The following MMRN1 variants were observed in gnomAD, a reference collection of about 807,000 sequenced individuals.
MMRN1 encodes the protein multimerin-1.
MMRN1 carries 94 observed loss-of-function variants against 100.7 expected under a neutral mutation model. That is an observed-to-expected ratio of 0.93 (90% CI 0.79 to 1.11). MMRN1 has a LOEUF of 1.11. Among genes scored for constraint, MMRN1 ranks in the 50% least tolerant of loss-of-function variants. The pLI is 0.00. For missense variants in MMRN1, 1,606 were observed against 1,439.1 expected (o/e 1.12, Z -1.88); for synonymous variants, 575 against 505.0 (o/e 1.14, Z -1.86).
chr4:89,895,186 G>C lies in MMRN1; in HGVS notation c.215G>C (p.Arg72Thr). Reference protein sequence around the residue: ...SAEIATTPEARTSEDSLLKST... With the variant: ...SAEIATTPEATTSEDSLLKST... ...GAGATAGCTACAACTCCAGAGGCAA[G>C]AACTTCTGAAGACAGTCTTCTTAAA... The change falls in exon 1 of 8, where the codon AGA becomes ACA. Residue 72 changes from arginine (R) to threonine (T), a missense_variant. By Grantham distance (71) the Arg-to-Thr change is moderately conservative. Transcript: ENST00000264790. 2 of 1,613,828 alleles carry C rather than the reference G, an allele frequency of 1.2e-6. No homozygotes were observed. Among genetic ancestry groups the C allele is most frequent in the Non-Finnish European group, 8.5e-7 (1 of 1,179,912 alleles).
At chr4:89,924,060 G>T (rs1276582999) in intron 4 of MMRN1, among the ~76,000 whole-genome samples, 1 of 152,102 alleles carries the variant, frequency 6.6e-6, no homozygotes, top group Non-Finnish European at 1.5e-5. Context: ...CAGTATTATT[G>T]CTATATAAAG....
intron 1 of MMRN1, among the ~76,000 whole-genome samples, chr4:89,881,954 C>A (rs889941319): frequency 6.6e-6 from 1 of 151,904 alleles, no homozygotes; most frequent in Non-Finnish European, 1.5e-5. Context: ...TTTCCAATAT[C>A]TATACCTTAA....
rs374662333 is a variant in MMRN1 at position 89,936,393 on chromosome 4, G to T, written c.2713G>T (p.Ala905Ser). ...GCAAGTATTAAATTCCAGATTTAAG[G>T]CGTTGGAAGCAAAATCTATCCATCT... ...QLQVLNSRFK[A>S]LEAKSIHLSI... The change falls in exon 6 of 8, where the codon GCG (alanine) becomes TCG (serine). Residue 905 changes from alanine to serine, a missense_variant. Transcript: ENST00000264790. 1.2e-4 allele frequency: 187 copies of T among 1,609,352 alleles called. No homozygotes were observed. The highest frequency in any genetic ancestry group is 1.5e-4 in the Non-Finnish European group (171 of 1,178,684).
chr4:89,882,927 C>T (rs75856065), intron 1 of MMRN1, among the ~76,000 whole-genome samples: 6,848 of 152,056 alleles, frequency 0.045, 218 homozygotes, highest in African/African-American at 0.078. Flanking sequence ...TTCCTCCTCT[C>T]CTCCCCAGAA....
intron 6 of MMRN1, among the ~76,000 whole-genome samples, chr4:89,939,620 G>T (rs573372442): frequency 6.6e-6 from 1 of 152,238 alleles, no homozygotes; most frequent in African/African-American, 2.4e-5. Flanking sequence ...ACTAGTAAGT[G>T]ATAGAGCTTG....
In MMRN1 at chr4:89,936,281, T is replaced by C. The variant is rs1254441899; in HGVS notation, c.2601T>C (p.Ser867=). 1 of 1,610,574 alleles carries C rather than the reference T, an allele frequency of 6.2e-7. No individual in the cohort carries two copies. Among genetic ancestry groups the C allele is most frequent in the African/African-American group, 1.3e-5 (1 of 74,758 alleles). The change falls in exon 6 of 8, where the codon TCT becomes TCC. Residue 867 remains serine (S), a synonymous_variant. Coordinates refer to ENST00000264790, the MANE Select transcript of MMRN1 (RefSeq NM_007351.3). ...NFETRLQDIE[S]KVTQTLIPYY... is the part of the protein sequence containing the mutation. ...AGACTCGGTTGCAAGACATTGAGTCTAAAGTTACCCAGACGCTCATACCTT... is the reference window on the plus strand; with the variant it reads ...AGACTCGGTTGCAAGACATTGAGTCCAAAGTTACCCAGACGCTCATACCTT...
At chr4:89,893,273 G>C (rs910933660), upstream of MMRN1, among the ~76,000 whole-genome samples, 1 of 152,014 alleles carries the variant, frequency 6.6e-6, no homozygotes, top group Non-Finnish European at 1.5e-5. Context: ...TATCAGAGTC[G>C]ATTGGGGTTG....
At chr4:89,899,094 T>C (rs1721301562) in intron 1 of MMRN1, among the ~76,000 whole-genome samples, 1 of 152,178 alleles carries the variant, frequency 6.6e-6, no homozygotes, top group Non-Finnish European at 1.5e-5. Context: ...TTTCTACCAT[T>C]CTTGGAATTT....
chr4:89,936,572 A>G lies in MMRN1; in HGVS notation c.2892A>G (p.Thr964=). The change falls in exon 6 of 8, where the codon ACA becomes ACG. Residue 964 remains threonine (T), a synonymous_variant. Coordinates refer to ENST00000264790, the MANE Select transcript of MMRN1 (RefSeq NM_007351.3). ...TTCAACTTCTTCAGAAAGGTCTAAC[A>G]GAATTTGTGGAACCAATAATTCAAA... ...PDIQLLQKGL[T]EFVEPIIQIK... is the part of the protein sequence containing the mutation. The G allele has an allele frequency of 6.2e-7, 1 of 1,612,488 alleles. No homozygotes were observed. Among genetic ancestry groups the G allele is most frequent in the African/African-American group, 1.3e-5 (1 of 74,960 alleles).
Position 89,935,618 on chromosome 4 carries a change from G to T in MMRN1, c.1938G>T (p.Met646Ile). Reference protein sequence around the residue: ...SEQLNDLTYDMEILQPLLEQG... With the variant: ...SEQLNDLTYDIEILQPLLEQG... ...AACTAAATGATTTGACTTATGATAT[G>T]GAGATCCTTCAACCCTTGCTTGAGC... is the stretch of plus-strand genomic sequence containing the variant. The change falls in exon 6 of 8, where the codon ATG becomes ATT. Residue 646 changes from methionine (M) to isoleucine (I), a missense_variant. Transcript: ENST00000264790. The T allele has an allele frequency of 6.2e-7, 1 of 1,613,526 alleles. No individual in the cohort carries two copies. The highest frequency in any genetic ancestry group is 1.1e-5 in the South Asian group (1 of 91,054).
intron 1 of MMRN1, among the ~76,000 whole-genome samples, chr4:89,903,355 T>A (rs1002424930): frequency 8.0e-5 from 12 of 149,352 alleles, no homozygotes; most frequent in Non-Finnish European, 1.0e-4. Context: ...TTCTGAAAGT[T>A]TTTTTTTTTT....
chr4:89,927,661 G>A (rs1722303376), intron 4 of MMRN1, 134 bp from the exon 5 acceptor site: 1 of 684,976 alleles, frequency 1.5e-6, no homozygotes, highest in African/African-American at 1.9e-5. Flanking sequence ...TTGAAAAATA[G>A]TGGTGAAAGT....
intron 3 of MMRN1, 37 bp from the exon 4 acceptor site, chr4:89,923,131 G>A: frequency 6.4e-7 from 1 of 1,555,984 alleles, no homozygotes; most frequent in Non-Finnish European, 8.9e-7. Context: ...CTGTCCCAGT[G>A]CTTAACTGTC....
At chr4:89,923,889 G>A (rs1722166910) in intron 4 of MMRN1, among the ~76,000 whole-genome samples, 1 of 152,102 alleles carries the variant, frequency 6.6e-6, no homozygotes, top group Non-Finnish European at 1.5e-5. Flanking sequence ...TACAAAACAA[G>A]GCACTCAATT....
intron 6 of MMRN1, chr4:89,951,367 C>A (rs1047262774): frequency 1.4e-5 from 5 of 365,528 alleles, no homozygotes; most frequent in Non-Finnish European, 2.4e-5. Flanking sequence ...ACATTTCACA[C>A]CAATAAATGT....
chr4:89,914,326 G>A (rs1015438707), intron 3 of MMRN1, among the ~76,000 whole-genome samples: 2 of 151,012 alleles, frequency 1.3e-5, no homozygotes, highest in African/African-American at 2.4e-5. Context: ...GATCCATCTC[G>A]AAACTGTTAG....
intron 1 of MMRN1, among the ~76,000 whole-genome samples, chr4:89,883,426 G>A (rs1302675307): frequency 6.6e-6 from 1 of 151,936 alleles, no homozygotes; most frequent in Non-Finnish European, 1.5e-5. Flanking sequence ...TAAATTTTAG[G>A]TCTCTTAATG....
chr4:89,905,014 AG>A (rs896830010), intron 1 of MMRN1, among the ~76,000 whole-genome samples: 9 of 151,456 alleles, frequency 5.9e-5, no homozygotes, highest in Admixed American at 4.6e-4. Context: ...TTAAAAAGAG[AG>A]GGGGGGAATT....
At chr4:89,900,108 A>C (rs777730920) in intron 1 of MMRN1, among the ~76,000 whole-genome samples, 7 of 152,050 alleles carry the variant, frequency 4.6e-5, no homozygotes, top group Non-Finnish European at 1.0e-4. Context: ...TTGCAAACTT[A>C]AGAAGGAAAT....
Sources: allele counts gnomAD v4.1 joint callset (sites outside exome capture counted in the v4.1 genomes callset), GRCh38; gene constraint gnomAD v4.1.1; transcripts MANE v1.5; gene names NCBI Gene and HGNC (gene_info 2026-07-23, HGNC 2026-07-21).